RALYL: variants seen among roughly 807,000 people sequenced by gnomAD.
The protein encoded by RALYL is RALY RNA binding protein like, also known as RNA-binding Raly-like protein.
In RALYL, 29 loss-of-function variants were observed where a neutral mutation model predicts 35.1. That is an observed-to-expected ratio of 0.83 (90% CI 0.61 to 1.13). The LOEUF is 1.13. Among genes scored for constraint, RALYL ranks in the 50% most tolerant of loss-of-function variants. RALYL has a pLI of 0.00. For synonymous variants in RALYL, 120 were observed against 127.6 expected (o/e 0.94, Z 0.40); for missense variants, 359 against 360.4 (o/e 1.00, Z 0.03).
intron 2 of RALYL, among the ~76,000 whole-genome samples, chr8:84,628,809 A>G (rs1823304003): frequency 6.6e-6 from 1 of 152,074 alleles, no homozygotes; most frequent in Non-Finnish European, 1.5e-5. Flanking sequence ...TTATTTTGGA[A>G]AATAATTTTT....
intron 1 of RALYL, among the ~76,000 whole-genome samples, chr8:84,380,431 G>A (rs531687462): frequency 6.6e-6 from 1 of 152,014 alleles, no homozygotes; most frequent in South Asian, 2.1e-4. Flanking sequence ...CTTCATTGGA[G>A]AGTTAGTTTT....
At chr8:84,539,864 ATATATATATATATGTATATATATGTGTG>A (rs1169222228) in intron 2 of RALYL, among the ~76,000 whole-genome samples, 60 of 99,542 alleles carry the variant, frequency 6.0e-4, no homozygotes, top group Admixed American at 3.7e-3. Flanking sequence ...GTATATATAT[ATATATATATATATGTATATATATGTGTG>A]TGTGTGTGTG....
intron 2 of RALYL, among the ~76,000 whole-genome samples, chr8:84,636,911 A>G (rs1227598103): frequency 1.3e-5 from 2 of 151,718 alleles, no homozygotes; most frequent in Non-Finnish European, 2.9e-5. Flanking sequence ...CTTATTTCTC[A>G]CCCCTTCACC....
chr8:84,876,786 T>TAGG (rs1841237579), intron 7 of RALYL, among the ~76,000 whole-genome samples: 1 of 152,136 alleles, frequency 6.6e-6, no homozygotes. Flanking sequence ...ACTTACGTCT[T>TAGG]AGAGAGGTTA....
At chr8:84,393,127 G>C (rs1031205538) in intron 1 of RALYL, among the ~76,000 whole-genome samples, 8 of 152,028 alleles carry the variant, frequency 5.3e-5, no homozygotes, top group Non-Finnish European at 1.0e-4. Flanking sequence ...TGTGAGTCAG[G>C]TGTCCAGGTG....
intron 2 of RALYL, among the ~76,000 whole-genome samples, chr8:84,625,428 TAGA>T (rs535114878): frequency 2.1e-3 from 316 of 152,230 alleles, no homozygotes; most frequent in African/African-American, 7.2e-3. Context: ...ACAACAGAAA[TAGA>T]AGAAGTAAAA....
intron 2 of RALYL, among the ~76,000 whole-genome samples, chr8:84,619,864 G>A (rs1405505706): frequency 1.3e-5 from 2 of 150,810 alleles, no homozygotes; most frequent in African/African-American, 4.9e-5. Context: ...GCTTAGTTTG[G>A]CTGGATATGA....
At chr8:84,470,602 G>T (rs914939312) in intron 1 of RALYL, among the ~76,000 whole-genome samples, 3 of 152,018 alleles carry the variant, frequency 2.0e-5, no homozygotes, top group African/African-American at 7.2e-5. Flanking sequence ...TACTGACATT[G>T]TGTCCTGCCA....
chr8:84,643,150 G>C (rs1020320301), intron 2 of RALYL, among the ~76,000 whole-genome samples: 1 of 151,802 alleles, frequency 6.6e-6, no homozygotes, highest in Non-Finnish European at 1.5e-5. Flanking sequence ...TAAAGGGCTG[G>C]GTAGATTCCC....
At chr8:84,808,217 A>G (rs1166071167) in intron 4 of RALYL, among the ~76,000 whole-genome samples, 1 of 152,148 alleles carries the variant, frequency 6.6e-6, no homozygotes, top group Non-Finnish European at 1.5e-5. Flanking sequence ...ATTCTCCTAC[A>G]TGTGGCTTGC....
chr8:84,557,672 A>G (rs968359472), intron 2 of RALYL, among the ~76,000 whole-genome samples: 3 of 152,228 alleles, frequency 2.0e-5, no homozygotes, highest in Admixed American at 2.0e-4. Context: ...TATTTACAAT[A>G]GAGTTGGCAC....
intron 8 of RALYL, among the ~76,000 whole-genome samples, chr8:84,915,852 T>G (rs1225475767): frequency 2.6e-5 from 4 of 152,086 alleles, no homozygotes; most frequent in Non-Finnish European, 5.9e-5. Flanking sequence ...ATTTGTGATT[T>G]CAGTTAAATG....
chr8:84,716,924 C>T (rs1342728832), intron 2 of RALYL, among the ~76,000 whole-genome samples: 1 of 152,034 alleles, frequency 6.6e-6, no homozygotes, highest in Non-Finnish European at 1.5e-5. Flanking sequence ...GAAATTGTAG[C>T]ATAAAGATCA....
chr8:84,487,295 C>T (rs2054749754), intron 1 of RALYL, among the ~76,000 whole-genome samples: 1 of 152,018 alleles, frequency 6.6e-6, no homozygotes, highest in African/African-American at 2.4e-5. Context: ...GAGTCGCCTG[C>T]ACCCTGTTGG....
rs190244497 is a variant in RALYL at position 84,261,613 on chromosome 8, T to G, written c.-24+77189T>G. The stretch of plus-strand genomic sequence containing the variant: ...TCTTTATAGCAGCATGAGAATGGAC[T>G]GATATAAATATTTAACAAATGTTCA... On this transcript the variant is annotated intron_variant, in intron 1 of 8. Transcript: ENST00000521268. 2.8e-3 allele frequency among the ~76,000 whole-genome samples: 422 copies of G among 152,276 alleles called. 6 individuals are homozygous for G. The highest frequency in any genetic ancestry group is 2.1e-3 in the South Asian group (10 of 4,828).
At chr8:84,184,971 C>G in intron 1 of RALYL, 1 of 1,613,718 alleles carries the variant, frequency 6.2e-7, no homozygotes, top group East Asian at 2.2e-5. Flanking sequence ...GGCCCTCGCA[C>G]GCTCAACTCC....
Position 84,307,912 on chromosome 8 carries a change from A to C in RALYL, c.-24+123488A>C, listed in dbSNP as rs544875135. Among the ~76,000 whole-genome samples, 3 of 152,178 alleles carry C rather than the reference A, an allele frequency of 2.0e-5. No individual in the cohort carries two copies. In the South Asian group the frequency reaches 6.2e-4, roughly 32 times the overall value. On this transcript the variant is annotated intron_variant, in intron 1 of 8. Coordinates refer to ENST00000521268, the MANE Select transcript of RALYL (RefSeq NM_173848.7). Reference sequence around the variant, plus strand: ...ATAAGGAATGTTCACCAAAGCTGTAATTTCAGGAAGTAGCTGGAAGTCCTT... The same window carrying C: ...ATAAGGAATGTTCACCAAAGCTGTACTTTCAGGAAGTAGCTGGAAGTCCTT...
chr8:84,535,820 T>C (rs1427481179), intron 2 of RALYL, among the ~76,000 whole-genome samples: 1 of 151,806 alleles, frequency 6.6e-6, no homozygotes, highest in Admixed American at 6.6e-5. Context: ...CCCTTCCAAA[T>C]AGTGACAGCC....
At chr8:84,305,005 G>T (rs1841519228) in intron 1 of RALYL, among the ~76,000 whole-genome samples, 1 of 151,960 alleles carries the variant, frequency 6.6e-6, no homozygotes, top group African/African-American at 2.4e-5. Flanking sequence ...TATGACTTTT[G>T]GGAAACATTA....
Sources: gnomAD v4.1 joint callset for allele counts (sites outside exome capture counted in the v4.1 genomes callset) on GRCh38, gnomAD v4.1.1 for gene constraint, MANE v1.5 for transcripts, NCBI Gene and HGNC (gene_info 2026-07-23, HGNC 2026-07-21) for gene names.